ANO4: variants seen among roughly 807,000 people sequenced by gnomAD.
ANO4 encodes the protein anoctamin-4.
In ANO4, 69 loss-of-function variants were observed where a neutral mutation model predicts 141.9. The ratio of observed to expected loss-of-function variants is 0.49; its 90% confidence interval spans 0.40 to 0.59. The LOEUF (loss-of-function observed/expected upper bound fraction) is 0.59. Among genes scored for constraint, ANO4 ranks in the 20% least tolerant of loss-of-function variants. The pLI, the probability that ANO4 is intolerant of heterozygous loss-of-function variation, is 0.00. For synonymous variants in ANO4, 350 were observed against 394.3 expected (o/e 0.89, Z 1.33); for missense variants, 894 against 1,162.2 (o/e 0.77, Z 3.36).
intron 1 of ANO4, among the ~76,000 whole-genome samples, chr12:100,810,674 G>A (rs1284725080): frequency 6.6e-6 from 1 of 151,958 alleles, no homozygotes; most frequent in African/African-American, 2.4e-5. Flanking sequence ...ACAGGAAAGT[G>A]TGCATAGGAA....
chr12:101,116,045 G>A (rs972103996), intron 24 of ANO4, among the ~76,000 whole-genome samples: 2 of 152,152 alleles, frequency 1.3e-5, no homozygotes, highest in African/African-American at 4.8e-5. Context: ...ACAGAGAGAG[G>A]GAAAGGAGTG....
intron 1 of ANO4, among the ~76,000 whole-genome samples, chr12:100,865,459 T>G (rs1314234672): frequency 6.6e-6 from 1 of 151,898 alleles, no homozygotes; most frequent in Non-Finnish European, 1.5e-5. Flanking sequence ...TTAAACAAAT[T>G]TATGAGAAAA....
At chr12:100,874,671 C>A (rs2039206005) in intron 1 of ANO4, among the ~76,000 whole-genome samples, 2 of 152,080 alleles carry the variant, frequency 1.3e-5, no homozygotes, top group South Asian at 4.1e-4. Context: ...AGGTATGCAC[C>A]AACCTGCCTG....
intron 2 of ANO4, among the ~76,000 whole-genome samples, chr12:100,735,339 A>G (rs2031559292): frequency 6.6e-6 from 1 of 152,240 alleles, no homozygotes; most frequent in South Asian, 2.1e-4. Context: ...AAGATAGTTT[A>G]AAAATTCTCG....
chr12:100,841,546 A>G (rs2037249566), intron 1 of ANO4, among the ~76,000 whole-genome samples: 1 of 152,162 alleles, frequency 6.6e-6, no homozygotes, highest in Admixed American at 6.5e-5. Flanking sequence ...AGGGGGTTGC[A>G]AGCTACCAAA....
At chr12:100,724,678 C>G (rs1712848349) in intron 1 of ANO4, among the ~76,000 whole-genome samples, 2 of 152,200 alleles carry the variant, frequency 1.3e-5, no homozygotes, top group Admixed American at 6.5e-5. Flanking sequence ...CAAGCCACCA[C>G]TTTCTACCTA....
intron 5 of ANO4, among the ~76,000 whole-genome samples, chr12:100,967,571 ACACACAC>A (rs2043731006): frequency 8.4e-3 from 2 of 238 alleles, no homozygotes; most frequent in Non-Finnish European, 0.013. Context: ...TGTAAAGAGG[ACACACAC>A]ACACACACAC....
At chr12:100,900,909 C>T (rs1474731966) in intron 1 of ANO4, among the ~76,000 whole-genome samples, 2 of 152,066 alleles carry the variant, frequency 1.3e-5, no homozygotes, top group African/African-American at 4.8e-5. Context: ...CAATGGTGAA[C>T]AATGAGTGTT....
At chr12:101,078,030 T>G (rs796111566) in intron 14 of ANO4, among the ~76,000 whole-genome samples, 15 of 152,312 alleles carry the variant, frequency 9.8e-5, no homozygotes, top group African/African-American at 3.6e-4. Flanking sequence ...CACTCTAGAC[T>G]GTCTTTCTAG....
chr12:100,891,435 A>G (rs61947078), intron 1 of ANO4, among the ~76,000 whole-genome samples: 27,281 of 152,124 alleles, frequency 0.18, 2,938 homozygotes, highest in Admixed American at 0.28. Flanking sequence ...TTGTATTTCC[A>G]CCAGCAGTGA....
At chr12:100,813,505 A>G (rs2035564941) in intron 1 of ANO4, among the ~76,000 whole-genome samples, 3 of 152,162 alleles carry the variant, frequency 2.0e-5, no homozygotes, top group Admixed American at 2.0e-4. Flanking sequence ...ATCTTACTAT[A>G]GTGCATTGTG....
At chr12:101,089,359 TAAAA>T (rs113595141) in intron 17 of ANO4, among the ~76,000 whole-genome samples, 68 of 146,882 alleles carry the variant, frequency 4.6e-4, no homozygotes, top group Non-Finnish European at 7.5e-4. Flanking sequence ...TCAGAAGTAA[TAAAA>T]AAAAAAGGGC....
At chr12:100,791,747 C>T (rs942484940), upstream of ANO4, among the ~76,000 whole-genome samples, 1 of 152,220 alleles carries the variant, frequency 6.6e-6, no homozygotes, top group Non-Finnish European at 1.5e-5. Flanking sequence ...GTTGTTCCTA[C>T]ATTGTCTTTG....
chr12:100,947,877 T>C (rs959362224), intron 5 of ANO4, among the ~76,000 whole-genome samples: 1 of 152,102 alleles, frequency 6.6e-6, no homozygotes, highest in African/African-American at 2.4e-5. Flanking sequence ...TAAAGGTGAA[T>C]TTCAGGGTTA....
chr12:100,884,643 AGCTGG>A lies in ANO4; in HGVS notation c.-140-16998_-140-16994del, dbSNP rs1362701874. ...CTCACTGGGCCAAAATCAAAGTATT[AGCTGG>A]GCTGTGTTCCTTCTGTCTTTCTGGA... On this transcript the variant is annotated intron_variant, in intron 1 of 27. Transcript: ENST00000392977. Among the ~76,000 whole-genome samples, 7 of 152,202 alleles carry A rather than the reference AGCTGG, an allele frequency of 4.6e-5. No individual in the cohort carries two copies. In the East Asian group the frequency reaches 1.3e-3, roughly 29 times the overall value.
At chr12:100,850,233 C>A (rs1052156284) in intron 1 of ANO4, among the ~76,000 whole-genome samples, 1 of 152,090 alleles carries the variant, frequency 6.6e-6, no homozygotes, top group Non-Finnish European at 1.5e-5. Context: ...TGATTAGAGT[C>A]AGGAATTTGG....
chr12:100,916,755 C>T (rs2041360564), intron 2 of ANO4, among the ~76,000 whole-genome samples: 1 of 152,008 alleles, frequency 6.6e-6, no homozygotes, highest in Non-Finnish European at 1.5e-5. Context: ...CTTCCTGAAG[C>T]AGAGAATTCT....
At chr12:101,086,085 T>C (rs2049483810) in intron 16 of ANO4, among the ~76,000 whole-genome samples, 1 of 90,864 alleles carries the variant, frequency 1.1e-5, no homozygotes, top group Non-Finnish European at 2.0e-5. Flanking sequence ...CTAGGCTGTG[T>C]GTGTGTGTGT....
intron 8 of ANO4, among the ~76,000 whole-genome samples, chr12:100,999,796 G>A (rs1464427214): frequency 6.6e-6 from 1 of 151,862 alleles, no homozygotes; most frequent in African/African-American, 2.4e-5. Context: ...TGTAACCCCA[G>A]CAATTTGGGA....
Sources: allele counts gnomAD v4.1 joint callset (sites outside exome capture counted in the v4.1 genomes callset), GRCh38; gene constraint gnomAD v4.1.1; transcripts MANE v1.5; gene names NCBI Gene and HGNC (gene_info 2026-07-23, HGNC 2026-07-21).